ACSL3: variants seen among roughly 807,000 people sequenced by gnomAD.
ACSL3 encodes the protein fatty acid CoA ligase Acsl3.
In ACSL3, 34 loss-of-function variants were observed where a neutral mutation model predicts 84.7. The ratio of observed to expected loss-of-function variants is 0.40; its 90% CI spans 0.31 to 0.53. ACSL3 has a LOEUF of 0.53. Among genes scored for constraint, ACSL3 ranks in the 20% least tolerant of loss-of-function variants. ACSL3 has a pLI of 0.48. For synonymous variants in ACSL3, 315 were observed against 299.4 expected (o/e 1.05, Z -0.54); for missense variants, 680 against 873.1 (o/e 0.78, Z 2.79).
At chr2:222,927,300 G>A in intron 12 of ACSL3, 111 bp downstream of exon 12, 3 of 1,068,614 alleles carry the variant, frequency 2.8e-6, no homozygotes, top group East Asian at 2.6e-5. Context: ...TTGTGAGGCA[G>A]AATAATGGTG....
intron 3 of ACSL3, among the ~76,000 whole-genome samples, chr2:222,903,159 A>T (rs1327553980): frequency 6.6e-6 from 1 of 151,538 alleles, no homozygotes; most frequent in Non-Finnish European, 1.5e-5. Context: ...TTTTTTTGAG[A>T]TGAGGTCTGG....
At chr2:222,900,631 T>G (rs1012138202) in intron 2 of ACSL3, 43 bp from the exon 3 acceptor site, 2 of 152,242 alleles carry the variant, frequency 1.3e-5, no homozygotes, top group African/African-American at 4.8e-5. Context: ...CTCCTTGTAT[T>G]GTTACAGCTC....
At chr2:222,917,754 T>A in intron 5 of ACSL3, 1 of 197,138 alleles carries the variant, frequency 5.1e-6, no homozygotes, top group Non-Finnish European at 1.0e-5. Context: ...AAATCAGTTA[T>A]AATTCCTTCA....
chr2:222,886,458 C>T (rs934940779), intron 1 of ACSL3, among the ~76,000 whole-genome samples: 2 of 152,034 alleles, frequency 1.3e-5, no homozygotes, highest in African/African-American at 2.4e-5. Context: ...AAATTAATAA[C>T]AAATTAAAAG....
rs115685509 is a variant in ACSL3 at position 222,895,020 on chromosome 2, A to C, written c.-147-5654A>C. Among the ~76,000 whole-genome samples, 1,133 of 152,160 alleles carry C rather than the reference A, an allele frequency of 7.4e-3. 22 individuals are homozygous for C. Among genetic ancestry groups the C allele is most frequent in the African/African-American group, 0.025 (1,056 of 41,520 alleles). On this transcript the variant is annotated intron_variant, in intron 2 of 16. Coordinates refer to ENST00000357430, the MANE Select transcript of ACSL3 (RefSeq NM_004457.5). ...TAACTACTCATCCCCAAATCTGTAA[A>C]TATGTCTTCCTGTGACCCTGACACT...
At chr2:222,929,780 AAAAT>A (rs987486797) in intron 13 of ACSL3, among the ~76,000 whole-genome samples, 25 of 150,390 alleles carry the variant, frequency 1.7e-4, no homozygotes, top group African/African-American at 4.9e-4. Context: ...TCTCATCTCC[AAAAT>A]AAATAAATAA....
intron 2 of ACSL3, among the ~76,000 whole-genome samples, chr2:222,893,665 C>T (rs1283773522): frequency 6.6e-6 from 1 of 151,998 alleles, no homozygotes; most frequent in African/African-American, 2.4e-5. Context: ...AGATTTTCTT[C>T]CTTCTCTTTT....
chr2:222,901,998 A>G (rs982716840), intron 3 of ACSL3, among the ~76,000 whole-genome samples: 3 of 151,002 alleles, frequency 2.0e-5, no homozygotes, highest in African/African-American at 4.9e-5. Flanking sequence ...CAAATATTCT[A>G]TCATCTGAAA....
chr2:222,906,815 G>C (rs1169487047), intron 3 of ACSL3, among the ~76,000 whole-genome samples: 3 of 152,034 alleles, frequency 2.0e-5, no homozygotes, highest in Non-Finnish European at 4.4e-5. Context: ...GGGTTTCACT[G>C]TGTTGGCCAG....
intron 12 of ACSL3, among the ~76,000 whole-genome samples, chr2:222,927,787 TCTC>T (rs925723545): frequency 1.1e-4 from 17 of 152,212 alleles, no homozygotes; most frequent in Non-Finnish European, 2.2e-4. Flanking sequence ...CAGCTGTGCT[TCTC>T]CTACTTTGTA....
intron 1 of ACSL3, among the ~76,000 whole-genome samples, chr2:222,882,042 G>A (rs1695602416): frequency 6.6e-6 from 1 of 152,168 alleles, no homozygotes; most frequent in Non-Finnish European, 1.5e-5. Flanking sequence ...ATTGTCCTAT[G>A]TGGTATGTCA....
At chr2:222,919,001 G>C in intron 6 of ACSL3, 63 bp from the exon 7 acceptor site, 1 of 1,576,450 alleles carries the variant, frequency 6.3e-7, no homozygotes, top group Non-Finnish European at 8.6e-7. Context: ...TGGTAAACTA[G>C]TATTCTTATT....
In ACSL3 at chr2:222,917,887, A is replaced by G. The variant is rs879032531; in HGVS notation, c.557-159A>G. ...AGGATGAGTAGGTGTAATGTTGATT[A>G]GTATGATAAGATAACTTTAAAAAAC... On this transcript the variant is annotated intron_variant, in intron 5 of 16. Coordinates refer to ENST00000357430, the MANE Select transcript of ACSL3 (RefSeq NM_004457.5). The G allele has an allele frequency of 3.9e-5, 17 of 441,468 alleles. No individual in the cohort carries two copies. The South Asian group carries it at 9.7e-4, about 25-fold the overall frequency. The allele number at this position is 441,468 out of a possible 1,614,324, so 27.3% of individuals were successfully genotyped here.
At chr2:222,933,301 CTACTTT>C in intron 15 of ACSL3, 21 bp downstream of exon 15, 1 of 1,515,662 alleles carries the variant, frequency 6.6e-7, no homozygotes, top group Non-Finnish European at 9.1e-7. Flanking sequence ...GGAATTCATA[CTACTTT>C]TACTTAAAAT....
chr2:222,873,473 A>T (rs1472525109), intron 1 of ACSL3, among the ~76,000 whole-genome samples: 8 of 152,338 alleles, frequency 5.3e-5, no homozygotes, highest in African/African-American at 1.9e-4. Flanking sequence ...ATTTGTAGAA[A>T]TTATAATGAA....
At chr2:222,931,631 AT>A (rs1384811566) in intron 14 of ACSL3, among the ~76,000 whole-genome samples, 1 of 151,818 alleles carries the variant, frequency 6.6e-6, no homozygotes, top group Non-Finnish European at 1.5e-5. Flanking sequence ...TCTCCCAATA[AT>A]TTCTCTGTTG....
intron 9 of ACSL3, 97 bp from the exon 10 acceptor site, chr2:222,922,981 A>G: frequency 7.5e-7 from 1 of 1,339,494 alleles, no homozygotes; most frequent in Admixed American, 2.3e-5. Context: ...CTGTAAGTAC[A>G]TTAAAATAAT....
chr2:222,928,740 T>C, intron 12 of ACSL3, 122 bp from the exon 13 acceptor site: 1 of 863,426 alleles, frequency 1.2e-6, no homozygotes, highest in Non-Finnish European at 1.8e-6. Flanking sequence ...TGACTTCTGC[T>C]TTTAAGGAAT....
chr2:222,923,176 G>A, intron 10 of ACSL3, 27 bp downstream of exon 10: 1 of 1,547,098 alleles, frequency 6.5e-7, no homozygotes, highest in Non-Finnish European at 8.9e-7. Context: ...ATTTAATATT[G>A]AGTATTAAAG....
Sources: gnomAD v4.1 joint callset for allele counts (sites outside exome capture counted in the v4.1 genomes callset) on GRCh38, gnomAD v4.1.1 for gene constraint, MANE v1.5 for transcripts, NCBI Gene and HGNC (gene_info 2026-07-23, HGNC 2026-07-21) for gene names.